The following NSD3 variants were observed in gnomAD, a reference collection of about 807,000 sequenced individuals.
The protein encoded by NSD3 is nuclear receptor binding SET domain protein 3.
In NSD3, 24 loss-of-function variants were observed where a neutral mutation model predicts 160.8. The observed-to-expected ratio is 0.15, with a 90% CI of 0.11 to 0.21. The LOEUF is 0.21. NSD3 is among the 10% of genes least tolerant of loss of function. NSD3 has a pLI of 1.00. For synonymous variants in NSD3, 520 were observed against 600.0 expected, an observed-to-expected ratio of 0.87 and a Z score of 1.95; for missense variants, 1,157 against 1,735.9, an observed-to-expected ratio of 0.67 and a Z score of 5.93.
At chr8:38,314,347 C>T (rs539463061) in intron 12 of NSD3, among the ~76,000 whole-genome samples, 5 of 152,258 alleles carry the variant, frequency 3.3e-5, no homozygotes, top group African/African-American at 9.6e-5. Context: ...ATTGAGCCCC[C>T]AAAATCTCAA....
chr8:38,279,400 T>A, intron 21 of NSD3, 140 bp downstream of exon 21: 1 of 1,051,606 alleles, frequency 9.5e-7, no homozygotes. Context: ...CTCCTTTTAT[T>A]TGAATACGTT....
At chr8:38,344,600 T>C (rs1341908706) in intron 2 of NSD3, among the ~76,000 whole-genome samples, 1 of 152,136 alleles carries the variant, frequency 6.6e-6, no homozygotes, top group Non-Finnish European at 1.5e-5. Flanking sequence ...CTATATGAGA[T>C]TTTGTTTGCT....
intron 1 of NSD3, among the ~76,000 whole-genome samples, chr8:38,354,775 T>C (rs980797023): frequency 6.6e-5 from 10 of 152,014 alleles, no homozygotes; most frequent in Non-Finnish European, 1.5e-4. Context: ...GAAGAAGTAC[T>C]AAAAATAAAA....
At position 38,334,584 on chromosome 8, in the gene NSD3, C is replaced by T. The variant is rs1312619557; in HGVS notation, c.910+2721G>A. Among the ~76,000 whole-genome samples the T allele has an allele frequency of 3.3e-5, 5 of 151,476 alleles. No individual in the cohort carries two copies. The East Asian group carries it at 9.7e-4, about 29-fold the overall frequency. On this transcript the variant is annotated intron_variant, in intron 4 of 23. Coordinates refer to ENST00000317025, the MANE Select transcript of NSD3 (RefSeq NM_023034.2). ...CCTGGCCAACACAGTGAAACCCCGT[C>T]TCTACTAAAAATACAAAAAAAAAAA...
At chr8:38,350,644 G>T (rs984296567) in intron 1 of NSD3, among the ~76,000 whole-genome samples, 1 of 152,260 alleles carries the variant, frequency 6.6e-6, no homozygotes, top group Middle Eastern at 3.4e-3. Context: ...ACGTGGCAGG[G>T]TCTGCCTCCT....
At chr8:38,368,174 G>A (rs766122305) in intron 1 of NSD3, among the ~76,000 whole-genome samples, 6 of 152,152 alleles carry the variant, frequency 3.9e-5, no homozygotes, top group East Asian at 1.9e-4. Context: ...TAGTCAGGCC[G>A]GTCTCGAACT....
At chr8:38,361,754 C>CAAAAAAAAA (rs756700150) in intron 1 of NSD3, among the ~76,000 whole-genome samples, 1 of 31,142 alleles carries the variant, frequency 3.2e-5, no homozygotes, top group African/African-American at 1.2e-4. Flanking sequence ...GACTCCGTCT[C>CAAAAAAAAA]AAAAAAAAAA....
intron 15 of NSD3, among the ~76,000 whole-genome samples, chr8:38,297,991 T>G (rs979662206): frequency 4.6e-5 from 7 of 152,004 alleles, no homozygotes; most frequent in Admixed American, 1.3e-4. Context: ...AGAGCCAGAA[T>G]CATCAGAGAA....
intron 1 of NSD3, among the ~76,000 whole-genome samples, chr8:38,364,277 A>AAACAACAACAACAACAAC (rs10672618): frequency 3.5e-4 from 53 of 149,408 alleles, no homozygotes; most frequent in South Asian, 1.3e-3. Flanking sequence ...ACTCCGTCTC[A>AAACAACAACAACAACAAC]AACAACAACA....
In NSD3 at chr8:38,278,039, C is replaced by T. The variant is rs186196053; in HGVS notation, c.3867+267G>A. Among the ~76,000 whole-genome samples the T allele has an allele frequency of 5.9e-5, 9 of 151,654 alleles. No homozygotes were observed. In the East Asian group the frequency reaches 9.7e-4, roughly 16 times the overall value. On this transcript the variant is annotated intron_variant, in intron 22 of 23. Transcript: ENST00000317025. Reference sequence around the variant, plus strand: ...CTGCAAGCTCCGCATCCCGGGTTCACGCCATTCTCCTGCCTCAGCCTCCCG... The same window carrying T: ...CTGCAAGCTCCGCATCCCGGGTTCATGCCATTCTCCTGCCTCAGCCTCCCG...
At chr8:38,278,642 C>T (rs1808668178) in intron 21 of NSD3, among the ~76,000 whole-genome samples, 1 of 152,204 alleles carries the variant, frequency 6.6e-6, no homozygotes, top group African/African-American at 2.4e-5. Context: ...GAAGTCATGT[C>T]CTTTTCACAG....
chr8:38,279,740 A>G, intron 20 of NSD3, 59 bp from the exon 21 acceptor site: 1 of 1,557,492 alleles, frequency 6.4e-7, no homozygotes, highest in Non-Finnish European at 8.7e-7. Context: ...AGAAACATCC[A>G]ACTCAGTCAA....
chr8:38,348,360 T>C, intron 1 of NSD3, 145 bp from the exon 2 acceptor site: 1 of 561,076 alleles, frequency 1.8e-6, no homozygotes. Flanking sequence ...CTAAAACAGA[T>C]AACTGATATA....
At chr8:38,381,734 ACG>A (rs951549496) in intron 1 of NSD3, 63 bp downstream of exon 1, 58 of 135,818 alleles carry the variant, frequency 4.3e-4, no homozygotes, top group East Asian at 8.6e-4. Flanking sequence ...AGCACTACAC[ACG>A]CGCGCGCGCG....
chr8:38,341,180 T>C (rs1810357406), intron 2 of NSD3, among the ~76,000 whole-genome samples: 1 of 151,980 alleles, frequency 6.6e-6, no homozygotes, highest in Non-Finnish European at 1.5e-5. Context: ...AAGAGAAAGA[T>C]AAATAATAGT....
intron 2 of NSD3, among the ~76,000 whole-genome samples, chr8:38,341,346 G>A (rs1231239519): frequency 2.0e-5 from 3 of 151,970 alleles, no homozygotes; most frequent in South Asian, 2.1e-4. Context: ...GAGACCAGCC[G>A]TGCCAAGATG....
intron 1 of NSD3, among the ~76,000 whole-genome samples, chr8:38,369,782 G>GT (rs869080110): frequency 6.6e-6 from 1 of 151,820 alleles, no homozygotes; most frequent in East Asian, 1.9e-4. Context: ...TCCCAGTTTT[G>GT]TTTTTTGTTT....
Position 38,295,965 on chromosome 8 carries a change from A to G in NSD3, c.2759-13T>C. On this transcript the variant is annotated splice_polypyrimidine_tract_variant and intron_variant, in intron 15 of 23. Coordinates refer to ENST00000317025, the MANE Select transcript of NSD3 (RefSeq NM_023034.2). ...AGCAATCTTCCACCTTGAAACAAAT[A>G]AACAGTCTTAATAACTGAGAAAAGA... 6.2e-7 allele frequency: 1 copy of G among 1,606,114 alleles called. No individual in the cohort carries two copies. The highest frequency in any genetic ancestry group is 8.5e-7 in the Non-Finnish European group (1 of 1,177,428).
At position 38,321,003 on chromosome 8, in the gene NSD3, T is replaced by C; in HGVS notation, c.1809+69A>G. 1.4e-6 allele frequency: 2 copies of C among 1,446,594 alleles called. No individual in the cohort carries two copies. 89.6% of individuals were successfully genotyped at this position (1,446,594 alleles called of 1,614,324 possible). ...TGTGGGGGAAAGTTTCTCTTTCTTT[T>C]AAGACAGGAATGTAAGCCACAACAT... On this transcript the variant is annotated intron_variant, in intron 8 of 23. Transcript: ENST00000317025. The surrounding 1 kb of genome is among the most constrained non-coding windows in gnomAD (Gnocchi z 4.7).
Sources: allele counts gnomAD v4.1 joint callset (sites outside exome capture counted in the v4.1 genomes callset), GRCh38; gene constraint gnomAD v4.1.1; non-coding constraint Gnocchi (gnomAD v3.1); transcripts MANE v1.5; gene names NCBI Gene and HGNC (gene_info 2026-07-23, HGNC 2026-07-21).